PLXNA4: variants seen among roughly 807,000 people sequenced by gnomAD.
The protein encoded by PLXNA4 is plexin-A4.
Under a neutral mutation model 191.8 loss-of-function variants are expected in PLXNA4, and 44 were observed. The observed-to-expected ratio is 0.23, with a 90% CI of 0.18 to 0.29. PLXNA4 has a LOEUF of 0.29. Ranked by LOEUF, PLXNA4 falls within the 10% of genes least tolerant of loss-of-function variation. PLXNA4 has a pLI of 1.00. For missense variants in PLXNA4, 1,800 were observed against 2,488.8 expected (o/e 0.72, Z 5.89); for synonymous variants, 1,082 against 1,009.5 (o/e 1.07, Z -1.36).
At chr7:132,145,665 C>T (rs1795398351) in intron 28 of PLXNA4, among the ~76,000 whole-genome samples, 1 of 152,100 alleles carries the variant, frequency 6.6e-6, no homozygotes, top group Admixed American at 6.5e-5. Flanking sequence ...ATTACTCACA[C>T]TGGCTAATGA....
rs565099977 is a variant in PLXNA4 at position 132,208,851 on chromosome 7, C to A, written c.2298+2092G>T. Among the ~76,000 whole-genome samples, 66 of 152,284 alleles carry A rather than the reference C, an allele frequency of 4.3e-4. No homozygotes were observed. In the South Asian group the frequency reaches 0.013, roughly 31 times the overall value. On this transcript the variant is annotated intron_variant, in intron 10 of 31. Coordinates refer to ENST00000321063, the MANE Select transcript of PLXNA4 (RefSeq NM_020911.2). ...GGACACCATGAAGGAGGAGACAGCACCCACCTGCCTGGTGCTGCGGAGACC... is the reference window on the plus strand; with the variant it reads ...GGACACCATGAAGGAGGAGACAGCAACCACCTGCCTGGTGCTGCGGAGACC...
intron 2 of PLXNA4, among the ~76,000 whole-genome samples, chr7:132,597,837 TGC>T (rs1316042147): frequency 3.6e-5 from 4 of 111,486 alleles, no homozygotes; most frequent in African/African-American, 1.3e-4. Context: ...CCATCCATGT[TGC>T]GCTCTCTCTC....
intron 4 of PLXNA4, among the ~76,000 whole-genome samples, chr7:132,256,547 A>T (rs1352843014): frequency 6.6e-6 from 1 of 152,106 alleles, no homozygotes; most frequent in Non-Finnish European, 1.5e-5. Context: ...GGTGCTAAGG[A>T]GGAGGGAAAG....
chr7:132,549,054 C>T (rs1043191222), intron 1 of PLXNA4, among the ~76,000 whole-genome samples: 2 of 152,130 alleles, frequency 1.3e-5, no homozygotes, highest in African/African-American at 4.8e-5. Context: ...AAATCTCTGC[C>T]CCTTTTCTGG....
At chr7:132,138,608 A>T (rs2116532026) in intron 30 of PLXNA4, among the ~76,000 whole-genome samples, 1 of 152,302 alleles carries the variant, frequency 6.6e-6, no homozygotes, top group East Asian at 1.9e-4. Flanking sequence ...AAAAGGAGAA[A>T]AGATTTGGGG....
chr7:132,486,020 T>C (rs780807967), intron 3 of PLXNA4, among the ~76,000 whole-genome samples: 17 of 152,126 alleles, frequency 1.1e-4, no homozygotes, highest in Non-Finnish European at 2.1e-4. Context: ...CAAACACCCT[T>C]ACTCTTAGCA....
intron 2 of PLXNA4, among the ~76,000 whole-genome samples, chr7:132,639,961 G>C (rs1486553740): frequency 6.6e-6 from 1 of 152,202 alleles, no homozygotes; most frequent in Non-Finnish European, 1.5e-5. Context: ...CCTCATCTGT[G>C]AGTCGAGGGG....
chr7:132,476,907 T>C (rs1797150514), intron 3 of PLXNA4, among the ~76,000 whole-genome samples: 2 of 152,018 alleles, frequency 1.3e-5, no homozygotes. Context: ...GCCTGACTAA[T>C]GAAAGAAAAG....
In PLXNA4 at chr7:132,410,907, C is replaced by T. The variant is rs149775461; in HGVS notation, c.1371+78385G>A. Reference sequence around the variant, plus strand: ...CTCCACTGGAAGCCCAAACCTCAGACGTGAGCCCCAGGAGATACCAGCCTG... The same window carrying T: ...CTCCACTGGAAGCCCAAACCTCAGATGTGAGCCCCAGGAGATACCAGCCTG... On this transcript the variant is annotated intron_variant, in intron 3 of 31. Coordinates refer to ENST00000321063, the MANE Select transcript of PLXNA4 (RefSeq NM_020911.2). 7.1e-3 allele frequency among the ~76,000 whole-genome samples: 1,080 copies of T among 152,294 alleles called. 10 individuals carry two copies. Among genetic ancestry groups the T allele is most frequent in the Non-Finnish European group, 8.4e-3 (573 of 68,032 alleles).
chr7:132,385,120 T>C, intron 3 of PLXNA4: 5 of 1,592,574 alleles, frequency 3.1e-6, no homozygotes, highest in East Asian at 2.3e-5. Flanking sequence ...GTGTCTCATC[T>C]GTTTCCATTT....
At chr7:132,427,473 AG>A (rs1795088686) in intron 3 of PLXNA4, among the ~76,000 whole-genome samples, 1 of 152,214 alleles carries the variant, frequency 6.6e-6, no homozygotes, top group African/African-American at 2.4e-5. Flanking sequence ...CAGAATGGAC[AG>A]GCCCCCACCC....
chr7:132,509,330 C>G (rs369772222), intron 1 of PLXNA4, among the ~76,000 whole-genome samples: 11 of 152,314 alleles, frequency 7.2e-5, no homozygotes, highest in African/African-American at 2.6e-4. Flanking sequence ...GAGGTGGTAA[C>G]AGAGACCTCA....
chr7:132,591,708 G>A (rs190615831), intron 2 of PLXNA4, among the ~76,000 whole-genome samples: 45 of 152,288 alleles, frequency 3.0e-4, no homozygotes, highest in African/African-American at 1.1e-3. Flanking sequence ...GACTAGGAGC[G>A]TTTGGGTCCT....
intron 3 of PLXNA4, among the ~76,000 whole-genome samples, chr7:132,372,729 A>T (rs764645897): frequency 4.6e-5 from 7 of 152,234 alleles, no homozygotes; most frequent in Non-Finnish European, 8.8e-5. Context: ...AGTGTCTGAC[A>T]TAAAATAGGT....
intron 3 of PLXNA4, among the ~76,000 whole-genome samples, chr7:132,374,859 A>G (rs1292503881): frequency 6.6e-6 from 1 of 152,230 alleles, no homozygotes; most frequent in African/African-American, 2.4e-5. Context: ...AGCTTTCTGC[A>G]GGGAAAATGT....
At chr7:132,490,685 C>G (rs1300564043) in intron 2 of PLXNA4, among the ~76,000 whole-genome samples, 1 of 152,096 alleles carries the variant, frequency 6.6e-6, no homozygotes, top group Non-Finnish European at 1.5e-5. Context: ...CTCAGCCTCC[C>G]GAAGTGCTAG....
At chr7:132,438,843 A>C (rs1795578447) in intron 3 of PLXNA4, among the ~76,000 whole-genome samples, 1 of 152,190 alleles carries the variant, frequency 6.6e-6, no homozygotes. Flanking sequence ...ATCAAAACAA[A>C]AAGATTTATT....
chr7:132,406,415 T>C (rs142136727), intron 3 of PLXNA4, among the ~76,000 whole-genome samples: 9 of 152,282 alleles, frequency 5.9e-5, no homozygotes, highest in African/African-American at 2.2e-4. Flanking sequence ...AGGAATTGAG[T>C]AAACTAGAGC....
chr7:132,358,598 A>C (rs1365920571), intron 3 of PLXNA4, among the ~76,000 whole-genome samples: 1 of 152,222 alleles, frequency 6.6e-6, no homozygotes, highest in East Asian at 1.9e-4. Context: ...CTCACAGTTA[A>C]TTCCTTAATG....
Sources: gnomAD v4.1 joint callset for allele counts (sites outside exome capture counted in the v4.1 genomes callset) on GRCh38, gnomAD v4.1.1 for gene constraint, MANE v1.5 for transcripts, NCBI Gene and HGNC (gene_info 2026-07-23, HGNC 2026-07-21) for gene names.